PRR16: variants seen among roughly 807,000 people sequenced by gnomAD.
PRR16 encodes the protein protein Largen.
A neutral mutation model predicts 18.2 loss-of-function variants in PRR16; 6 were observed. That is an observed-to-expected ratio of 0.33 (90% CI 0.18 to 0.65). The LOEUF (loss-of-function observed/expected upper bound fraction) is 0.65, where lower values mean the gene tolerates loss of function less well. Ranked by LOEUF, PRR16 falls within the 30% of genes least tolerant of loss-of-function variation. The pLI, the probability that PRR16 is intolerant of heterozygous loss-of-function variation, is 0.74. For missense variants in PRR16, 412 were observed against 376.6 expected (o/e 1.09, Z -0.78); for synonymous variants, 151 against 147.8 (o/e 1.02, Z -0.16).
At chr5:120,587,854 C>T (rs771971155) in intron 1 of PRR16, among the ~76,000 whole-genome samples, 2 of 152,164 alleles carry the variant, frequency 1.3e-5, no homozygotes, top group East Asian at 1.9e-4. Flanking sequence ...TGCTGCCATA[C>T]ATAGTAATTC....
At chr5:120,549,235 A>ATG (rs1232080060) in intron 1 of PRR16, among the ~76,000 whole-genome samples, 1 of 151,886 alleles carries the variant, frequency 6.6e-6, no homozygotes, top group Non-Finnish European at 1.5e-5. Context: ...AGCTGGGTGT[A>ATG]TGTGTGTGTG....
intron 1 of PRR16, among the ~76,000 whole-genome samples, chr5:120,570,719 G>T (rs1752879068): frequency 1.3e-5 from 2 of 151,818 alleles, no homozygotes; most frequent in African/African-American, 4.8e-5. Flanking sequence ...CAGGCAAAAT[G>T]AACAAAGTAT....
intron 1 of PRR16, among the ~76,000 whole-genome samples, chr5:120,539,117 C>T (rs1431426455): frequency 2.6e-5 from 4 of 151,998 alleles, no homozygotes; most frequent in Non-Finnish European, 4.4e-5. Context: ...GCAACTTTGA[C>T]GCCATTTCTA....
the PRR16 span, among the ~76,000 whole-genome samples, chr5:120,710,436 T>C: frequency 6.6e-6 from 1 of 152,148 alleles, no homozygotes; most frequent in East Asian, 1.9e-4. Flanking sequence ...TGGGGGCATG[T>C]GACAAGCAGG....
At chr5:120,781,726 C>G in the PRR16 span, among the ~76,000 whole-genome samples, 1 of 152,072 alleles carries the variant, frequency 6.6e-6, no homozygotes, top group African/African-American at 2.4e-5. Flanking sequence ...GATACAGTTT[C>G]AGATAGTAAT....
chr5:120,581,407 T>A (rs1753267534), intron 1 of PRR16, among the ~76,000 whole-genome samples: 1 of 152,228 alleles, frequency 6.6e-6, no homozygotes, highest in Non-Finnish European at 1.5e-5. Context: ...GATTCTTCTC[T>A]CTTCTTCTTT....
the PRR16 span, among the ~76,000 whole-genome samples, chr5:120,778,225 T>TAAGTA: frequency 6.6e-6 from 1 of 152,120 alleles, no homozygotes; most frequent in Non-Finnish European, 1.5e-5. Context: ...ATTCTCAGGT[T>TAAGTA]AAGTAAAAAA....
At chr5:120,562,420 T>C (rs1351472864) in intron 1 of PRR16, among the ~76,000 whole-genome samples, 2 of 152,146 alleles carry the variant, frequency 1.3e-5, no homozygotes, top group Non-Finnish European at 2.9e-5. Flanking sequence ...GTGACTTTTT[T>C]TATATACATA....
the PRR16 span, among the ~76,000 whole-genome samples, chr5:120,791,669 C>T: frequency 6.6e-6 from 1 of 151,468 alleles, no homozygotes; most frequent in Non-Finnish European, 1.5e-5. Flanking sequence ...ATCTATCTAT[C>T]ATCTACCTAT....
chr5:120,608,552 A>G (rs1180427397), intron 1 of PRR16, among the ~76,000 whole-genome samples: 1 of 152,222 alleles, frequency 6.6e-6, no homozygotes, highest in African/African-American at 2.4e-5. Flanking sequence ...AAATGTTGCA[A>G]CTACTTTAGC....
intron 1 of PRR16, among the ~76,000 whole-genome samples, chr5:120,591,713 T>A (rs1419313034): frequency 6.6e-6 from 1 of 152,144 alleles, no homozygotes; most frequent in East Asian, 1.9e-4. Flanking sequence ...ATAGCCTGTG[T>A]TGGACATATA....
At chr5:120,472,394 A>C (rs1481391097) in intron 1 of PRR16, among the ~76,000 whole-genome samples, 1 of 152,134 alleles carries the variant, frequency 6.6e-6, no homozygotes, top group East Asian at 1.9e-4. Flanking sequence ...TATCAGTCAA[A>C]TCAATTGCCT....
chr5:120,576,597 C>T (rs912319200), intron 1 of PRR16, among the ~76,000 whole-genome samples: 1 of 152,020 alleles, frequency 6.6e-6, no homozygotes, highest in African/African-American at 2.4e-5. Context: ...AGTTGAAATC[C>T]TGAATAGAAC....
chr5:120,751,284 C>A, the PRR16 span, among the ~76,000 whole-genome samples: 1 of 152,142 alleles, frequency 6.6e-6, no homozygotes, highest in East Asian at 1.9e-4. Flanking sequence ...TCTGGAGATA[C>A]ACCTAGCAAA....
chr5:120,487,848 T>C (rs925097813), intron 1 of PRR16, among the ~76,000 whole-genome samples: 1 of 152,214 alleles, frequency 6.6e-6, no homozygotes. Flanking sequence ...TTGAGAGTTG[T>C]TAGCATGAAG....
intron 1 of PRR16, among the ~76,000 whole-genome samples, chr5:120,537,616 C>T (rs955158615): frequency 6.2e-5 from 9 of 144,976 alleles, no homozygotes; most frequent in Admixed American, 1.4e-4. Context: ...TTTGGCCAAG[C>T]AAGATTACAG....
chr5:120,501,422 T>TACACACAC (rs112671641), intron 1 of PRR16, among the ~76,000 whole-genome samples: 22 of 151,748 alleles, frequency 1.4e-4, no homozygotes, highest in Non-Finnish European at 2.9e-4. Flanking sequence ...CACACACACA[T>TACACACAC]ACACACACAC....
At chr5:120,590,464 T>C (rs1753595298) in intron 1 of PRR16, among the ~76,000 whole-genome samples, 1 of 151,360 alleles carries the variant, frequency 6.6e-6, no homozygotes, top group East Asian at 1.9e-4. Flanking sequence ...ACTTATTCTG[T>C]TGTGATTGGC....
intron 1 of PRR16, among the ~76,000 whole-genome samples, chr5:120,599,099 A>G (rs1014236973): frequency 4.6e-5 from 7 of 151,422 alleles, no homozygotes; most frequent in African/African-American, 1.7e-4. Context: ...TCTACCTATT[A>G]TTGTCTTGCT....
Sources: allele counts gnomAD v4.1 joint callset (sites outside exome capture counted in the v4.1 genomes callset), GRCh38; gene constraint gnomAD v4.1.1; transcripts MANE v1.5; gene names NCBI Gene and HGNC (gene_info 2026-07-23, HGNC 2026-07-21).